Variants in GSE1 observed in about 807,000 individuals in gnomAD.
GSE1 encodes Gse1 coiled-coil protein, also known as genetic suppressor element 1.
In GSE1, 32 loss-of-function variants were observed where a neutral mutation model predicts 112.6. The ratio of observed to expected loss-of-function variants is 0.28; its 90% CI spans 0.21 to 0.38. GSE1 has a LOEUF of 0.38. Among genes scored for constraint, GSE1 ranks in the 10% least tolerant of loss-of-function variants. The pLI, the probability that GSE1 is intolerant of heterozygous loss-of-function variation, is 1.00. For missense variants in GSE1, 2,348 were observed against 1,699.2 expected (o/e 1.38, Z -6.71); for synonymous variants, 1,115 against 735.6 (o/e 1.52, Z -8.35).
rs142453474 is a variant in GSE1 at position 85,327,538 on chromosome 16, G to A, written c.2284-29925G>A. ...GAACCATTTGAACCCGGGAGGCAGA[G>A]GTTGCAGTGAGCTGAGATCGCACCA... is the stretch of plus-strand genomic sequence containing the variant. On this transcript the variant is annotated intron_variant, in intron 1 of 2. Coordinates refer to the GSE1 transcript ENST00000637419. Among the ~76,000 whole-genome samples, 8 of 152,340 alleles carry A rather than the reference G, an allele frequency of 5.3e-5. No individual in the cohort carries two copies. The East Asian group carries it at 1.5e-3, about 29-fold the overall frequency.
chr16:85,374,082 G>T, intron 2 of GSE1, among the ~76,000 whole-genome samples: 1 of 152,210 alleles, frequency 6.6e-6, no homozygotes, highest in East Asian at 1.9e-4. Context: ...GTGTGGTGCT[G>T]TATGTGTTGG....
At chr16:85,538,911 G>A (rs573202497) in intron 2 of GSE1, among the ~76,000 whole-genome samples, 15 of 151,320 alleles carry the variant, frequency 9.9e-5, no homozygotes, top group South Asian at 4.2e-4. Flanking sequence ...CACCCACCTC[G>A]GTATCCCTTG....
rs57970646 is a variant in GSE1, at chr16:85,329,955, C to T, written c.2284-27508C>T. Among the ~76,000 whole-genome samples the T allele has an allele frequency of 2.6e-4, 40 of 151,642 alleles. 1 individual carries two copies. In the East Asian group the frequency reaches 7.9e-3, roughly 30 times the overall value. ...GCTGGTGGGGGGGCAGGGGTAAGACCCCGCCCTCCAGGGGCTCCCATGCTT... is the reference window on the plus strand; with the variant it reads ...GCTGGTGGGGGGGCAGGGGTAAGACTCCGCCCTCCAGGGGCTCCCATGCTT... On this transcript the variant is annotated intron_variant, in intron 1 of 2. Transcript: ENST00000637419.
At chr16:85,489,168 G>C (rs1277166643) in intron 2 of GSE1, among the ~76,000 whole-genome samples, 1 of 152,102 alleles carries the variant, frequency 6.6e-6, no homozygotes, top group Non-Finnish European at 1.5e-5. Context: ...ATGTTAATTA[G>C]CTTAACTTTG....
rs1025667625 is a variant in GSE1, at chr16:85,674,898, T to C, written c.*2359T>C. 3.3e-5 allele frequency: 5 copies of C among 152,666 alleles called. No individual in the cohort carries two copies. Among genetic ancestry groups the C allele is most frequent in the African/African-American group, 9.7e-5 (4 of 41,430 alleles). The allele number at this position is 152,666 out of a possible 1,614,324, so 9.5% of individuals were successfully genotyped here. A position where few individuals can be genotyped will look rare whatever the true frequency, so the allele number is the denominator to read the frequency against. On this transcript the variant is annotated 3_prime_UTR_variant, in exon 16 of 16. Transcript: ENST00000253458. ...CCATCCTTCCACCTACTTGTGGCGA[T>C]CTGAGTACTCTACTCTTGCTCAAGA...
chr16:85,487,934 G>C (rs978227939), intron 2 of GSE1, among the ~76,000 whole-genome samples: 1 of 152,194 alleles, frequency 6.6e-6, no homozygotes, highest in Non-Finnish European at 1.5e-5. Context: ...GATGCCCCTG[G>C]CACCTCTAGG....
chr16:85,595,576 A>G (rs2047185598), intron 1 of GSE1: 1 of 152,198 alleles, frequency 6.6e-6, no homozygotes, highest in South Asian at 2.1e-4. Context: ...GACACGTTCC[A>G]TGTGGTTGGG....
intron 2 of GSE1, among the ~76,000 whole-genome samples, chr16:85,478,014 G>A (rs988879069): frequency 5.3e-5 from 8 of 151,960 alleles, no homozygotes; most frequent in East Asian, 1.9e-4. Flanking sequence ...CCCCATTAGC[G>A]GTCACTCCGC....
At chr16:85,262,798 C>T (rs907719700) in intron 1 of GSE1, among the ~76,000 whole-genome samples, 3 of 152,226 alleles carry the variant, frequency 2.0e-5, no homozygotes, top group Non-Finnish European at 4.4e-5. Context: ...CACAAGCTTG[C>T]CGCGGGCACC....
intron 2 of GSE1, among the ~76,000 whole-genome samples, chr16:85,377,849 G>A (rs572099748): frequency 3.3e-5 from 5 of 152,340 alleles, no homozygotes; most frequent in Admixed American, 2.6e-4. Flanking sequence ...CTGGGGGGAG[G>A]GCATGGGCCC....
intron 14 of GSE1, 67 bp from the exon 15 acceptor site, chr16:85,670,928 G>A (rs150623492): frequency 0.011 from 10,337 of 961,448 alleles, 94 homozygotes; most frequent in Middle Eastern, 0.018. Flanking sequence ...GTGTGAAGAG[G>A]AGAGCACAAA....
At chr16:85,655,697 C>G in intron 5 of GSE1, 29 bp from the exon 6 acceptor site, 1 of 1,513,186 alleles carries the variant, frequency 6.6e-7, no homozygotes. Context: ...GGTTCATTTG[C>G]TGCTCACAGC....
intron 1 of GSE1, among the ~76,000 whole-genome samples, chr16:85,350,934 C>T (rs1043331865): frequency 6.6e-6 from 1 of 152,208 alleles, no homozygotes; most frequent in Non-Finnish European, 1.5e-5. Flanking sequence ...CGCCCACTAC[C>T]GTGCCCGGCT....
At chr16:85,248,455 C>G (rs887744795) in intron 1 of GSE1, among the ~76,000 whole-genome samples, 1 of 151,838 alleles carries the variant, frequency 6.6e-6, no homozygotes, top group Non-Finnish European at 1.5e-5. Flanking sequence ...TTTTCTCTCA[C>G]GCTCCCTCCT....
chr16:85,367,789 G>C (rs896689281), intron 2 of GSE1, among the ~76,000 whole-genome samples: 54 of 152,038 alleles, frequency 3.6e-4, no homozygotes, highest in Admixed American at 1.2e-3. Flanking sequence ...TTTTTAGTCA[G>C]CTGTTGCTGG....
At position 85,590,322 on chromosome 16, in the gene GSE1, ATGTG is replaced by A. The variant is rs562695623; in HGVS notation, c.37+33960_37+33963del. Among the ~76,000 whole-genome samples, 359 of 146,792 alleles carry A rather than the reference ATGTG, an allele frequency of 2.4e-3. 2 individuals are homozygous for A. The highest frequency in any genetic ancestry group is 8.6e-3 in the African/African-American group (338 of 39,106). On this transcript the variant is annotated intron_variant, in intron 1 of 2. Coordinates refer to the GSE1 transcript ENST00000635906. ...TGTGAACGCATGGGCCCATGTGTGA[ATGTG>A]AGTGTGTGTGATTAACGCGTGGGCC...
intron 2 of GSE1, among the ~76,000 whole-genome samples, chr16:85,508,432 A>G (rs2051615732): frequency 6.6e-6 from 1 of 152,198 alleles, no homozygotes; most frequent in African/African-American, 2.4e-5. Flanking sequence ...CAGGGGCGAG[A>G]GGTGAGTTGG....
chr16:85,539,771 C>T (rs1414003880), intron 2 of GSE1, among the ~76,000 whole-genome samples: 1 of 152,204 alleles, frequency 6.6e-6, no homozygotes, highest in African/African-American at 2.4e-5. Context: ...TCACCCAGAA[C>T]AGGCGGATGG....
intron 1 of GSE1, among the ~76,000 whole-genome samples, chr16:85,214,823 C>A (rs1463847150): frequency 2.6e-5 from 4 of 151,964 alleles, no homozygotes; most frequent in African/African-American, 9.7e-5. Flanking sequence ...GATGCAGGGG[C>A]CCTCGTGGAT....
Sources: allele counts gnomAD v4.1 joint callset (sites outside exome capture counted in the v4.1 genomes callset), GRCh38; gene constraint gnomAD v4.1.1; transcripts MANE v1.5; gene names NCBI Gene and HGNC (gene_info 2026-07-23, HGNC 2026-07-21).